ARL6: variants seen among roughly 807,000 people sequenced by gnomAD.
The protein encoded by ARL6 is ARF like GTPase 6.
ARL6 carries 18 observed loss-of-function variants against 27.1 expected under a neutral mutation model. The observed-to-expected ratio is 0.66, with a 90% CI of 0.46 to 0.98. The LOEUF is 0.98. ARL6 is among the 50% of genes least tolerant of loss of function. ARL6 has a pLI of 0.00. For synonymous variants in ARL6, 65 were observed against 72.3 expected (o/e 0.90, Z 0.51); for missense variants, 187 against 214.9 (o/e 0.87, Z 0.81).
At position 97,790,132 on chromosome 3, in the gene ARL6, G is replaced by T. The variant is rs1049469235; in HGVS notation, c.480-1639G>T. On this transcript the variant is annotated intron_variant, in intron 6 of 7. Transcript: ENST00000463745. ...TATACTTGTTTACCATCTTGTGGGG[G>T]AGACAAATAATAAGCAAATAAATTT... Among the ~76,000 whole-genome samples, 5 of 151,520 alleles carry T rather than the reference G, an allele frequency of 3.3e-5. No homozygotes were observed. The East Asian group carries it at 7.7e-4, about 23-fold the overall frequency.
intron 4 of ARL6, among the ~76,000 whole-genome samples, chr3:97,784,610 A>T (rs1004251858): frequency 4.0e-5 from 6 of 151,862 alleles, no homozygotes; most frequent in Non-Finnish European, 5.9e-5. Flanking sequence ...ATACCAAAAT[A>T]TTAATAATTA....
intron 1 of ARL6, among the ~76,000 whole-genome samples, chr3:97,765,719 C>A (rs1448541092): frequency 6.6e-6 from 1 of 152,132 alleles, no homozygotes. Flanking sequence ...ATCTTATTTT[C>A]AAAAATTCGG....
chr3:97,771,642 A>C (rs2036640621), intron 2 of ARL6, among the ~76,000 whole-genome samples: 1 of 148,866 alleles, frequency 6.7e-6, no homozygotes, highest in Admixed American at 6.6e-5. Flanking sequence ...TAGCTCCACC[A>C]GTATAATATT....
chr3:97,783,271 C>G (rs2037287501), intron 4 of ARL6, among the ~76,000 whole-genome samples: 1 of 151,568 alleles, frequency 6.6e-6, no homozygotes, highest in South Asian at 2.1e-4. Flanking sequence ...CTTTATATAA[C>G]TAAGGAAAAA....
chr3:97,790,929 A>G (rs2108080427), intron 6 of ARL6, among the ~76,000 whole-genome samples: 1 of 152,258 alleles, frequency 6.6e-6, no homozygotes, highest in East Asian at 1.9e-4. Context: ...CTATTAAACA[A>G]TCATATTTTG....
intron 7 of ARL6, among the ~76,000 whole-genome samples, chr3:97,793,190 T>C (rs896364543): frequency 6.6e-6 from 1 of 152,226 alleles, no homozygotes; most frequent in African/African-American, 2.4e-5. Flanking sequence ...TATGTAGTTA[T>C]CATAACACCA....
upstream of ARL6, chr3:97,764,719 C>T (rs1053991536): frequency 6.6e-6 from 1 of 152,356 alleles, no homozygotes; most frequent in Non-Finnish European, 1.5e-5. Context: ...GGCTTCAGGA[C>T]CGGAAGAAGC....
At chr3:97,780,272 T>G in intron 3 of ARL6, 52 bp downstream of exon 3, 1 of 1,374,834 alleles carries the variant, frequency 7.3e-7, no homozygotes, top group Non-Finnish European at 1.0e-6. Context: ...AATAACAATA[T>G]TAGGTCTACC....
In ARL6 at chr3:97,799,872, A is replaced by T. The variant is rs1227245416; in HGVS notation, c.*1823A>T. 1 of 152,180 alleles carries T rather than the reference A, an allele frequency of 6.6e-6. No individual in the cohort carries two copies. The highest frequency in any genetic ancestry group is 1.5e-5 in the Non-Finnish European group (1 of 67,996). 9.4% of individuals were successfully genotyped at this position (152,180 alleles called of 1,614,324 possible). On this transcript the variant is annotated 3_prime_UTR_variant, in exon 8 of 8. Transcript: ENST00000463745. ...CAGATGATTCAAGAGTATGATAGAT[A>T]TTAGAAATACAGATATATCTGCCAG...
At chr3:97,769,538 A>G (rs1042443943) in intron 2 of ARL6, among the ~76,000 whole-genome samples, 18 of 152,270 alleles carry the variant, frequency 1.2e-4, no homozygotes, top group African/African-American at 4.1e-4. Flanking sequence ...TTGTATGTTC[A>G]GAACATTCTA....
intron 6 of ARL6, 55 bp from the exon 7 acceptor site, chr3:97,791,716 C>T (rs1252383324): frequency 3.3e-6 from 5 of 1,516,408 alleles, no homozygotes; most frequent in Non-Finnish European, 4.6e-6. Context: ...ATCCTTTATT[C>T]TTATAGTTTT....
At chr3:97,782,913 C>T (rs2037269194) in intron 4 of ARL6, among the ~76,000 whole-genome samples, 1 of 149,956 alleles carries the variant, frequency 6.7e-6, no homozygotes, top group Admixed American at 6.6e-5. Flanking sequence ...GGATTATGCA[C>T]CAAACCATTA....
intron 1 of ARL6, among the ~76,000 whole-genome samples, chr3:97,767,701 C>T (rs1487490707): frequency 6.6e-6 from 1 of 152,120 alleles, no homozygotes; most frequent in African/African-American, 2.4e-5. Context: ...CCCCATTGCC[C>T]ATTCATTGTT....
intron 2 of ARL6, among the ~76,000 whole-genome samples, chr3:97,774,687 G>A (rs1039487324): frequency 6.6e-6 from 1 of 152,086 alleles, no homozygotes; most frequent in Non-Finnish European, 1.5e-5. Flanking sequence ...GGTACCTGGC[G>A]AGGCTGTGCA....
At chr3:97,794,092 A>G (rs1421458995) in intron 7 of ARL6, among the ~76,000 whole-genome samples, 2 of 152,154 alleles carry the variant, frequency 1.3e-5, no homozygotes, top group Non-Finnish European at 2.9e-5. Context: ...CACTCTATTT[A>G]AAAAAGGTGG....
rs746458390 is a variant in ARL6 at position 97,780,199 on chromosome 3, T to C, written c.164T>C (p.Ile55Thr). The C allele has an allele frequency of 1.9e-6, 3 of 1,612,986 alleles. No homozygotes were observed. Among genetic ancestry groups the C allele is most frequent in the Admixed American group, 1.7e-5 (1 of 59,954 alleles). The change falls in exon 3 of 8, where the codon ATA (isoleucine) becomes ACA (threonine). Residue 55 changes from isoleucine (I) to threonine (T), a missense_variant. Ile to Thr is a moderately conservative substitution (Grantham distance 89, BLOSUM62 -1). Transcript: ENST00000463745. ...QNILPTIGFS[I>T]EKFKSSSLSF... ...ATCCTTCCAACAATAGGATTCAGCA[T>C]AGAGAAATTCAAATCATCCAGGTAA...
rs945732314 is a variant in ARL6, at chr3:97,764,831, T to C, written c.-174T>C. 6.6e-6 allele frequency: 1 copy of C among 152,256 alleles called. No individual in the cohort carries two copies. Among genetic ancestry groups the C allele is most frequent in the African/African-American group, 2.4e-5 (1 of 41,446 alleles). 9.4% of individuals were successfully genotyped at this position (152,256 alleles called of 1,614,324 possible). A position where few individuals can be genotyped will look rare whatever the true frequency, so the allele number is the denominator to read the frequency against. Reference sequence around the variant, plus strand: ...GTTTTCCCAACTTCTAGAGACGGCTTTGCTCATTACCAGGCATCCTTCCCA... The same window carrying C: ...GTTTTCCCAACTTCTAGAGACGGCTCTGCTCATTACCAGGCATCCTTCCCA... On this transcript the variant is annotated 5_prime_UTR_variant, in exon 1 of 8. Coordinates refer to ENST00000463745, the MANE Select transcript of ARL6 (RefSeq NM_001278293.3).
In ARL6 at chr3:97,798,107, A is replaced by G; in HGVS notation, c.*58A>G. On this transcript the variant is annotated 3_prime_UTR_variant, in exon 8 of 8. Transcript: ENST00000463745. ...AATTCAAGGAATCTATCTAAGACAA[A>G]TAGAATACATTTTGTAAAAGATGTT... is the stretch of plus-strand genomic sequence containing the variant. 6.6e-7 allele frequency: 1 copy of G among 1,525,820 alleles called. No individual in the cohort carries two copies. Among genetic ancestry groups the G allele is most frequent in the Non-Finnish European group, 9.1e-7 (1 of 1,103,804 alleles). 94.5% of individuals were successfully genotyped at this position (1,525,820 alleles called of 1,614,324 possible).
At chr3:97,793,303 A>G (rs1389664305) in intron 7 of ARL6, 1 of 152,210 alleles carries the variant, frequency 6.6e-6, no homozygotes, top group Non-Finnish European at 1.5e-5. Flanking sequence ...GAACCCAGCA[A>G]CTTAGTTTCT....
Sources: allele counts gnomAD v4.1 joint callset (sites outside exome capture counted in the v4.1 genomes callset), GRCh38; gene constraint gnomAD v4.1.1; transcripts MANE v1.5; gene names NCBI Gene and HGNC (gene_info 2026-07-23, HGNC 2026-07-21).